The following THRB variants were observed in gnomAD, a reference collection of about 807,000 sequenced individuals.
THRB encodes thyroid hormone receptor beta.
A neutral mutation model predicts 47.8 loss-of-function variants in THRB; 12 were observed. The observed-to-expected ratio is 0.25, with a 90% CI of 0.16 to 0.41. The LOEUF is 0.41. Among genes scored for constraint, THRB ranks in the 10% least tolerant of loss-of-function variants. THRB has a pLI of 1.00. For synonymous variants in THRB, 218 were observed against 212.2 expected (o/e 1.03, Z -0.24); for missense variants, 348 against 589.2 (o/e 0.59, Z 4.24).
intron 2 of THRB, among the ~76,000 whole-genome samples, chr3:24,332,149 C>A (rs961533471): frequency 7.9e-5 from 12 of 152,124 alleles, no homozygotes; most frequent in African/African-American, 2.9e-4. Context: ...GTAAGACCCC[C>A]TAAAGAGGAA....
At chr3:24,161,617 A>AACACACACACACACACACACACACAC (rs58600238) in intron 5 of THRB, among the ~76,000 whole-genome samples, 1 of 141,100 alleles carries the variant, frequency 7.1e-6, no homozygotes, top group East Asian at 2.2e-4. Context: ...AGAGCTACAG[A>AACACACACACACACACACACACACAC]ACACACACAC....
At chr3:24,156,073 A>T (rs1315336609) in intron 5 of THRB, among the ~76,000 whole-genome samples, 2 of 152,174 alleles carry the variant, frequency 1.3e-5, no homozygotes, top group African/African-American at 4.8e-5. Flanking sequence ...AGGACTTGAG[A>T]TTTTTTCAGT....
chr3:24,262,460 G>C (rs182466363), intron 3 of THRB, among the ~76,000 whole-genome samples: 1 of 152,244 alleles, frequency 6.6e-6, no homozygotes, highest in African/African-American at 2.4e-5. Context: ...ATCACACTTG[G>C]GGTAAAAACC....
intron 1 of THRB, among the ~76,000 whole-genome samples, chr3:24,459,593 G>A (rs1028024065): frequency 2.0e-5 from 3 of 152,126 alleles, no homozygotes; most frequent in South Asian, 2.1e-4. Flanking sequence ...GTGTGAAAGC[G>A]TTCCTCTTTC....
At chr3:24,237,419 A>G (rs2150195072) in intron 3 of THRB, among the ~76,000 whole-genome samples, 1 of 152,224 alleles carries the variant, frequency 6.6e-6, no homozygotes, top group East Asian at 1.9e-4. Flanking sequence ...AAAATAATTC[A>G]CTTTTACTTC....
chr3:24,483,032 T>C (rs1354654579), intron 1 of THRB, among the ~76,000 whole-genome samples: 3 of 152,204 alleles, frequency 2.0e-5, no homozygotes, highest in Admixed American at 2.0e-4. Flanking sequence ...TAATCTAAAA[T>C]GCATGTGTCT....
intron 1 of THRB, among the ~76,000 whole-genome samples, chr3:24,370,868 C>G (rs1226702245): frequency 6.6e-6 from 1 of 152,110 alleles, no homozygotes. Context: ...CAACTGAAGT[C>G]GTCATTTGAA....
chr3:24,212,790 C>T (rs1347591859), intron 4 of THRB, among the ~76,000 whole-genome samples: 2 of 152,072 alleles, frequency 1.3e-5, no homozygotes, highest in Non-Finnish European at 2.9e-5. Context: ...AGGTAAATAG[C>T]CCTCATCTAG....
chr3:24,208,255 T>G (rs1422330384), intron 4 of THRB, among the ~76,000 whole-genome samples: 2 of 151,780 alleles, frequency 1.3e-5, no homozygotes, highest in Non-Finnish European at 2.9e-5. Context: ...ATCAATATTG[T>G]GAAAATGGCC....
At chr3:24,339,761 T>A (rs1446789344) in intron 1 of THRB, among the ~76,000 whole-genome samples, 1 of 152,188 alleles carries the variant, frequency 6.6e-6, no homozygotes, top group African/African-American at 2.4e-5. Context: ...CCATTTTCAG[T>A]TCTTCTCTTT....
intron 1 of THRB, among the ~76,000 whole-genome samples, chr3:24,405,441 G>A (rs1435874453): frequency 3.3e-5 from 5 of 151,724 alleles, no homozygotes; most frequent in African/African-American, 1.2e-4. Context: ...TTAACTATTT[G>A]CCCTTTACAG....
At chr3:24,227,488 G>A (rs1417259565) in intron 4 of THRB, among the ~76,000 whole-genome samples, 1 of 152,208 alleles carries the variant, frequency 6.6e-6, no homozygotes, top group African/African-American at 2.4e-5. Context: ...TGTGAAATAA[G>A]AAGATATGTG....
chr3:24,172,984 G>A lies in THRB; in HGVS notation c.283+17090C>T, dbSNP rs2040625853. On this transcript the variant is annotated intron_variant, in intron 5 of 10. Transcript: ENST00000646209. Reference sequence around the variant, plus strand: ...TAGGATGAGCAAGTTAAAAAGAACAGCCTTTTGTGGTTCCACAAAGATTAT... The same window carrying A: ...TAGGATGAGCAAGTTAAAAAGAACAACCTTTTGTGGTTCCACAAAGATTAT... Among the ~76,000 whole-genome samples the A allele has an allele frequency of 2.6e-5, 4 of 152,096 alleles. No homozygotes were observed. In the South Asian group the frequency reaches 8.3e-4, roughly 31 times the overall value.
chr3:24,127,433 A>G, intron 10 of THRB, 66 bp downstream of exon 10: 1 of 1,563,254 alleles, frequency 6.4e-7, no homozygotes, highest in Non-Finnish European at 8.8e-7. Context: ...AACTCAAGTG[A>G]TTGGAATTAG....
At chr3:24,194,725 T>C (rs1472032240) in intron 4 of THRB, among the ~76,000 whole-genome samples, 2 of 152,114 alleles carry the variant, frequency 1.3e-5, no homozygotes, top group Admixed American at 6.5e-5. Flanking sequence ...TTACATCCTA[T>C]CTCTGGATAT....
intron 1 of THRB, among the ~76,000 whole-genome samples, chr3:24,425,419 TA>T (rs1163161368): frequency 1.3e-5 from 2 of 151,918 alleles, no homozygotes; most frequent in African/African-American, 4.8e-5. Context: ...TGTCCATTTT[TA>T]AAAAAATGTG....
chr3:24,399,226 A>AT (rs1335586268), intron 1 of THRB, among the ~76,000 whole-genome samples: 4 of 151,810 alleles, frequency 2.6e-5, no homozygotes, highest in Non-Finnish European at 4.4e-5. Flanking sequence ...ATAAAGTATA[A>AT]TTAAAAAAAA....
intron 1 of THRB, among the ~76,000 whole-genome samples, chr3:24,353,160 T>C (rs1026569680): frequency 2.6e-5 from 4 of 151,828 alleles, no homozygotes; most frequent in Non-Finnish European, 4.4e-5. Context: ...AAAAACCAAC[T>C]TACAAAAAAA....
intron 1 of THRB, among the ~76,000 whole-genome samples, chr3:24,492,129 T>A (rs1325966048): frequency 6.6e-6 from 1 of 152,226 alleles, no homozygotes; most frequent in African/African-American, 2.4e-5. Context: ...TCAGGTATTT[T>A]TGAGAACATA....
Sources: allele counts gnomAD v4.1 joint callset (sites outside exome capture counted in the v4.1 genomes callset), GRCh38; gene constraint gnomAD v4.1.1; transcripts MANE v1.5; gene names NCBI Gene and HGNC (gene_info 2026-07-23, HGNC 2026-07-21).